Variants in NELL1 observed in about 807,000 individuals in gnomAD.
The protein encoded by NELL1 is protein kinase C-binding protein NELL1.
A neutral mutation model predicts 107.4 loss-of-function variants in NELL1; 76 were observed. The ratio of observed to expected loss-of-function variants is 0.71; its 90% CI spans 0.59 to 0.86. The LOEUF is 0.86. Ranked by LOEUF, NELL1 falls within the 40% of genes least tolerant of loss-of-function variation. NELL1 has a pLI of 0.00. For missense variants in NELL1, 1,024 were observed against 1,005.5 expected, an observed-to-expected ratio of 1.02 and a Z score of -0.25; for synonymous variants, 353 against 341.2, an observed-to-expected ratio of 1.03 and a Z score of -0.38.
At chr11:21,324,770 A>C (rs1850091533) in intron 14 of NELL1, among the ~76,000 whole-genome samples, 2 of 152,140 alleles carry the variant, frequency 1.3e-5, no homozygotes, top group African/African-American at 4.8e-5. Context: ...TTCCACAAGT[A>C]ACAGAAGAGG....
intron 12 of NELL1, among the ~76,000 whole-genome samples, chr11:21,056,526 T>A (rs1853619847): frequency 6.6e-6 from 1 of 152,110 alleles, no homozygotes; most frequent in African/African-American, 2.4e-5. Context: ...TCAGGGAACA[T>A]TTTAGGAACA....
chr11:21,182,440 G>GAAAAAAAAAAAA (rs201319322), intron 13 of NELL1, among the ~76,000 whole-genome samples: 1 of 111,728 alleles, frequency 9.0e-6, no homozygotes. Context: ...GTCTCAAAAA[G>GAAAAAAAAAAAA]AAAAAAAAAA....
intron 14 of NELL1, among the ~76,000 whole-genome samples, chr11:21,313,603 T>C (rs561194714): frequency 1.3e-5 from 2 of 152,262 alleles, no homozygotes; most frequent in East Asian, 3.9e-4. Flanking sequence ...AATATACTTC[T>C]TACAGTTCTA....
chr11:20,726,715 T>C (rs944806322), intron 2 of NELL1, among the ~76,000 whole-genome samples: 24 of 152,122 alleles, frequency 1.6e-4, no homozygotes, highest in Non-Finnish European at 3.2e-4. Flanking sequence ...TCATTTACAT[T>C]AGGTATTTCT....
At chr11:20,997,675 C>T (rs546093696) in intron 12 of NELL1, among the ~76,000 whole-genome samples, 190 of 152,284 alleles carry the variant, frequency 1.2e-3, no homozygotes, top group Middle Eastern at 0.01. Context: ...ATTATTCCCA[C>T]GTAGAAAGTT....
chr11:20,783,973 T>C, intron 3 of NELL1, 143 bp downstream of exon 3: 5 of 743,648 alleles, frequency 6.7e-6, no homozygotes, highest in Non-Finnish European at 9.6e-6. Flanking sequence ...ATGAATTTAC[T>C]TTGCATTAAG....
intron 4 of NELL1, among the ~76,000 whole-genome samples, chr11:20,853,862 A>G (rs1848833788): frequency 6.6e-6 from 1 of 152,096 alleles, no homozygotes; most frequent in African/African-American, 2.4e-5. Flanking sequence ...TGCTTTTTAC[A>G]CCAATAGAAT....
chr11:20,741,668 A>C (rs998666912), intron 2 of NELL1, among the ~76,000 whole-genome samples: 1 of 152,156 alleles, frequency 6.6e-6, no homozygotes, highest in Non-Finnish European at 1.5e-5. Context: ...TGGGTACTTC[A>C]AAGAAAATGT....
intron 2 of NELL1, among the ~76,000 whole-genome samples, chr11:20,721,800 C>T (rs1855395252): frequency 6.6e-6 from 1 of 152,076 alleles, no homozygotes; most frequent in Admixed American, 6.6e-5. Flanking sequence ...AAGAGAAGGA[C>T]TTTGGCTTTG....
chr11:20,874,931 C>G (rs1357973359), intron 4 of NELL1, among the ~76,000 whole-genome samples: 2 of 152,230 alleles, frequency 1.3e-5, no homozygotes, highest in Non-Finnish European at 2.9e-5. Context: ...CAGAACATCT[C>G]TGTTCCTTCA....
chr11:20,882,075 C>T (rs1207318738), intron 4 of NELL1, among the ~76,000 whole-genome samples: 6 of 152,190 alleles, frequency 3.9e-5, no homozygotes, highest in African/African-American at 1.4e-4. Flanking sequence ...CCCTACCTGC[C>T]TTTTTACATG....
At chr11:21,220,354 T>C (rs1482562092) in intron 13 of NELL1, among the ~76,000 whole-genome samples, 2 of 152,212 alleles carry the variant, frequency 1.3e-5, no homozygotes, top group African/African-American at 4.8e-5. Context: ...GGATCTTTTA[T>C]GGTTCCTCAA....
intron 12 of NELL1, among the ~76,000 whole-genome samples, chr11:21,066,118 A>G (rs1334838428): frequency 6.6e-6 from 1 of 152,180 alleles, no homozygotes; most frequent in Non-Finnish European, 1.5e-5. Context: ...CTTGCTAGTA[A>G]TGAAACAAAA....
chr11:21,087,901 C>T (rs183127939), intron 12 of NELL1, among the ~76,000 whole-genome samples: 24 of 152,278 alleles, frequency 1.6e-4, no homozygotes, highest in African/African-American at 5.5e-4. Flanking sequence ...GTGTCAGAGA[C>T]GTGTTCCAGA....
intron 3 of NELL1, among the ~76,000 whole-genome samples, chr11:20,786,970 T>A (rs538923225): frequency 1.9e-3 from 221 of 119,306 alleles, no homozygotes; most frequent in South Asian, 3.9e-3. Flanking sequence ...ATGGCGCCAC[T>A]GCACTCCAGC....
At chr11:21,561,849 G>T (rs545999313) in intron 17 of NELL1, among the ~76,000 whole-genome samples, 6 of 152,128 alleles carry the variant, frequency 3.9e-5, no homozygotes, top group Non-Finnish European at 7.4e-5. Flanking sequence ...ACCACATGGT[G>T]CTGACTCAAA....
At chr11:20,722,378 A>G (rs1469224258) in intron 2 of NELL1, among the ~76,000 whole-genome samples, 1 of 152,086 alleles carries the variant, frequency 6.6e-6, no homozygotes, top group Non-Finnish European at 1.5e-5. Context: ...CCTCACAGTA[A>G]TATTTTGAGT....
intron 12 of NELL1, among the ~76,000 whole-genome samples, chr11:21,018,393 T>C (rs1852619025): frequency 6.6e-6 from 1 of 152,086 alleles, no homozygotes; most frequent in African/African-American, 2.4e-5. Context: ...TGCTGCAGTT[T>C]ATGGAACTTC....
intron 15 of NELL1, among the ~76,000 whole-genome samples, chr11:21,459,506 G>C (rs769233629): frequency 1.3e-5 from 2 of 151,986 alleles, no homozygotes; most frequent in Non-Finnish European, 2.9e-5. Flanking sequence ...AGGAACTGCA[G>C]TACTTGCTGG....
Sources: gnomAD v4.1 joint callset for allele counts (sites outside exome capture counted in the v4.1 genomes callset) on GRCh38, gnomAD v4.1.1 for gene constraint, MANE v1.5 for transcripts, NCBI Gene and HGNC (gene_info 2026-07-23, HGNC 2026-07-21) for gene names.